KMT2C: variants seen among roughly 807,000 people sequenced by gnomAD.
KMT2C encodes the protein histone-lysine N-methyltransferase 2C.
Under a neutral mutation model 507.9 loss-of-function variants are expected in KMT2C, and 88 were observed. The ratio of observed to expected loss-of-function variants is 0.17; its 90% CI spans 0.15 to 0.21. The LOEUF is 0.21. Ranked by LOEUF, KMT2C falls within the 10% of genes least tolerant of loss-of-function variation. KMT2C has a pLI of 1.00. For missense variants in KMT2C, 4,954 were observed against 5,957.8 expected (o/e 0.83, Z 5.55); for synonymous variants, 2,049 against 2,080.8 (o/e 0.98, Z 0.42).
At chr7:152,178,324 A>C (rs1231648336) in intron 37 of KMT2C, among the ~76,000 whole-genome samples, 1 of 152,150 alleles carries the variant, frequency 6.6e-6, no homozygotes, top group African/African-American at 2.4e-5. Context: ...GATAAGAACA[A>C]TACTACTGGA....
In KMT2C at chr7:152,163,371, T is replaced by C. The variant is rs1395282618; in HGVS notation, c.10206A>G (p.Glu3402=). The C allele has an allele frequency of 1.2e-6, 2 of 1,614,084 alleles. No homozygotes were observed. Among genetic ancestry groups the C allele is most frequent in the African/African-American group, 2.7e-5 (2 of 74,924 alleles). ...SESFQERERK[E]RLREQQERQR... is the part of the protein sequence containing the mutation. ...GTCTCTCTTGCTGTTCTCGTAAACG[T>C]TCCTTACGTTCCCGTTCTTGAAAAC... Residue 3402 remains glutamate, a synonymous_variant, in exon 43 of 59, where the codon GAA becomes GAG. Coordinates refer to ENST00000262189, the MANE Select transcript of KMT2C (RefSeq NM_170606.3).
intron 7 of KMT2C, among the ~76,000 whole-genome samples, chr7:152,268,296 A>G (rs945803282): frequency 2.6e-5 from 4 of 152,126 alleles, no homozygotes; most frequent in African/African-American, 9.7e-5. Context: ...AACTCTGCAC[A>G]TTATTTCCTG....
chr7:152,227,719 A>G (rs2129149583), intron 18 of KMT2C, among the ~76,000 whole-genome samples: 1 of 152,360 alleles, frequency 6.6e-6, no homozygotes, highest in Non-Finnish European at 1.5e-5. Flanking sequence ...AGCTCCAGAA[A>G]TCTACAAAGG....
At chr7:152,261,284 A>G (rs930390064) in intron 9 of KMT2C, among the ~76,000 whole-genome samples, 4 of 152,180 alleles carry the variant, frequency 2.6e-5, no homozygotes, top group Non-Finnish European at 5.9e-5. Context: ...ACTGGTAAAA[A>G]GCACAATATA....
In KMT2C at chr7:152,177,592, C is replaced by A. The variant is rs2129115053; in HGVS notation, c.7861G>T (p.Val2621Leu). 6.2e-7 allele frequency: 1 copy of A among 1,614,102 alleles called. No individual in the cohort carries two copies. Among genetic ancestry groups the A allele is most frequent in the Non-Finnish European group, 8.5e-7 (1 of 1,180,030 alleles). Residue 2621 changes from valine to leucine, a missense_variant, in exon 38 of 59, where the codon GTG (valine) becomes TTG (leucine). Transcript: ENST00000262189. ...GGCACTTGTTCCAAATCTGGGTGCA[C>A]AGGTAGCTGATTAGGTAGACCCTGG... ...PPQGLPNQLPVHPDLEQVPPS... is the reference protein window; with the variant it reads ...PPQGLPNQLPLHPDLEQVPPS...
chr7:152,396,285 G>GA (rs1376627835), intron 1 of KMT2C, among the ~76,000 whole-genome samples: 2 of 152,004 alleles, frequency 1.3e-5, no homozygotes, highest in Non-Finnish European at 2.9e-5. Context: ...TATTTTGACA[G>GA]AAAAAAATTA....
At chr7:152,158,400 G>A (rs111912881) in intron 44 of KMT2C, among the ~76,000 whole-genome samples, 3 of 152,074 alleles carry the variant, frequency 2.0e-5, no homozygotes, top group African/African-American at 4.8e-5. Flanking sequence ...TTGTATTACC[G>A]TAAATTTCAG....
chr7:152,350,001 C>G (rs995150583), intron 2 of KMT2C, among the ~76,000 whole-genome samples: 2 of 152,042 alleles, frequency 1.3e-5, no homozygotes, highest in African/African-American at 4.8e-5. Context: ...CCTATAATCG[C>G]AACACTTTGG....
rs1587992226 is a variant in KMT2C, at chr7:152,180,927, G to C, written c.6933C>G (p.Asp2311Glu). The C allele has an allele frequency of 1.2e-6, 2 of 1,614,074 alleles. No individual in the cohort carries two copies. The highest frequency in any genetic ancestry group is 2.2e-5 in the East Asian group (1 of 44,892). ...GGGCAGTTTGACTTGTTCCAAAAGAGTCAGACTGAGATCTTGGAGTCATTG... is the reference window on the plus strand; with the variant it reads ...GGGCAGTTTGACTTGTTCCAAAAGACTCAGACTGAGATCTTGGAGTCATTG... ...QSPMTPRSQS[D>E]SFGTSQTAHD... The change falls in exon 36 of 59, where the codon GAC becomes GAG. Residue 2311 changes from aspartate to glutamate, a missense_variant. By Grantham distance (45) the Asp-to-Glu change is conservative. Coordinates refer to ENST00000262189, the MANE Select transcript of KMT2C (RefSeq NM_170606.3).
intron 49 of KMT2C, among the ~76,000 whole-genome samples, chr7:152,152,345 C>T (rs1354993970): frequency 1.3e-5 from 2 of 152,196 alleles, no homozygotes; most frequent in African/African-American, 2.4e-5. Context: ...ACAGAACCCA[C>T]GTCAGGTCAC....
At chr7:152,139,930 C>G in intron 55 of KMT2C, 139 bp from the exon 56 acceptor site, 1 of 660,264 alleles carries the variant, frequency 1.5e-6, no homozygotes, top group Non-Finnish European at 2.7e-6. Context: ...TTTGAATATG[C>G]TATTTTCTGA....
intron 52 of KMT2C, 137 bp from the exon 53 acceptor site, chr7:152,146,872 G>C: frequency 2.4e-6 from 2 of 817,652 alleles, no homozygotes; most frequent in Non-Finnish European, 3.7e-6. Context: ...TAATAAATCT[G>C]TTTGGTAATA....
chr7:152,317,295 C>T (rs774487431), intron 3 of KMT2C, among the ~76,000 whole-genome samples: 7 of 152,152 alleles, frequency 4.6e-5, no homozygotes, highest in Non-Finnish European at 1.0e-4. Flanking sequence ...GGAGGTCAAA[C>T]ACCTCAGAGT....
intron 55 of KMT2C, among the ~76,000 whole-genome samples, chr7:152,143,529 C>T (rs1371279039): frequency 2.6e-5 from 4 of 152,252 alleles, no homozygotes; most frequent in African/African-American, 9.6e-5. Context: ...TCCCAGGTGA[C>T]ACTGCTGCTT....
At chr7:152,401,922 C>T in intron 1 of KMT2C, among the ~76,000 whole-genome samples, 1 of 152,306 alleles carries the variant, frequency 6.6e-6, no homozygotes, top group Non-Finnish European at 1.5e-5. Flanking sequence ...ACCAGCCTGA[C>T]CAACACGGTG....
intron 1 of KMT2C, among the ~76,000 whole-genome samples, chr7:152,410,794 C>T (rs916409419): frequency 2.8e-4 from 43 of 151,554 alleles, no homozygotes; most frequent in Non-Finnish European, 8.8e-5. Flanking sequence ...CCCAGGAGCT[C>T]GAGGTCAGCC....
Position 152,179,919 on chromosome 7 carries a change from G to C in KMT2C, c.7357C>G (p.Pro2453Ala), listed in dbSNP as rs916710269. 3 of 1,613,914 alleles carry C rather than the reference G, an allele frequency of 1.9e-6. No homozygotes were observed. Among genetic ancestry groups the C allele is most frequent in the Admixed American group, 3.3e-5 (2 of 60,004 alleles). Residue 2453 changes from proline to alanine, a missense_variant, in exon 37 of 59, where the codon CCT becomes GCT. Around this residue, in one of 29 missense-constraint regions of KMT2C, gnomAD observed 1,689 missense variants for 1,654.3 expected, o/e 1.02. Transcript: ENST00000262189. ...IRSPVAPPLGPRYAVFPKDQR... is the reference protein window; with the variant it reads ...IRSPVAPPLGARYAVFPKDQR... ...TCTTTTGGGAAAACAGCATATCTAG[G>C]TCCTAAAGGAGGGGCAACAGGAGAC...
intron 2 of KMT2C, among the ~76,000 whole-genome samples, chr7:152,339,672 T>C (rs187197466): frequency 1.8e-4 from 28 of 152,274 alleles, no homozygotes; most frequent in African/African-American, 6.0e-4. Flanking sequence ...TAAGAACCCC[T>C]GTTCTGTATG....
intron 2 of KMT2C, among the ~76,000 whole-genome samples, chr7:152,347,501 TTTAA>T: frequency 6.6e-6 from 1 of 152,342 alleles, no homozygotes; most frequent in African/African-American, 2.4e-5. Flanking sequence ...CCCATGGTGT[TTTAA>T]TCAGATATTT....
Sources: allele counts gnomAD v4.1 joint callset (sites outside exome capture counted in the v4.1 genomes callset), GRCh38; gene constraint gnomAD v4.1.1; regional missense constraint gnomAD v4.1.1; transcripts MANE v1.5; gene names NCBI Gene and HGNC (gene_info 2026-07-23, HGNC 2026-07-21).